LUZP2: variants seen among roughly 807,000 people sequenced by gnomAD.
LUZP2 encodes the protein leucine zipper protein 2.
Under a neutral mutation model 51.6 loss-of-function variants are expected in LUZP2, and 52 were observed. The observed-to-expected ratio is 1.01, with a 90% CI of 0.81 to 1.27. The LOEUF is 1.27. LUZP2 is among the 50% of genes most tolerant of loss of function. LUZP2 has a pLI of 0.00. For synonymous variants in LUZP2, 154 were observed against 137.3 expected, an observed-to-expected ratio of 1.12 and a Z score of -0.85; for missense variants, 436 against 395.4, an observed-to-expected ratio of 1.10 and a Z score of -0.87.
At chr11:24,587,654 A>G (rs1853117899) in intron 1 of LUZP2, among the ~76,000 whole-genome samples, 2 of 152,112 alleles carry the variant, frequency 1.3e-5, no homozygotes, top group South Asian at 4.1e-4. Flanking sequence ...ACATCTTGTG[A>G]TGACTACATA....
At chr11:24,801,191 G>T (rs1031891216) in intron 5 of LUZP2, among the ~76,000 whole-genome samples, 7 of 152,180 alleles carry the variant, frequency 4.6e-5, no homozygotes, top group African/African-American at 1.7e-4. Context: ...GCTGATAAAA[G>T]AATTTCTACA....
chr11:24,571,207 C>T (rs1852430693), intron 1 of LUZP2, among the ~76,000 whole-genome samples: 1 of 131,534 alleles, frequency 7.6e-6, no homozygotes, highest in Non-Finnish European at 1.7e-5. Context: ...GATGAAAGCA[C>T]TTGATCAAAG....
At chr11:24,645,086 ATTAG>A (rs1324988116) in intron 1 of LUZP2, among the ~76,000 whole-genome samples, 1 of 152,164 alleles carries the variant, frequency 6.6e-6, no homozygotes, top group African/African-American at 2.4e-5. Context: ...TACGTAAAAT[ATTAG>A]TTATTGTGCA....
chr11:24,602,740 G>C (rs1853781299), intron 1 of LUZP2, among the ~76,000 whole-genome samples: 2 of 151,460 alleles, frequency 1.3e-5, no homozygotes. Context: ...AAAGCACCTT[G>C]GATGTATGGG....
At chr11:24,987,759 T>C (rs1856229729) in intron 9 of LUZP2, among the ~76,000 whole-genome samples, 1 of 151,916 alleles carries the variant, frequency 6.6e-6, no homozygotes, top group African/African-American at 2.4e-5. Context: ...TAGATCAAGG[T>C]ACATTTTTCT....
intron 1 of LUZP2, among the ~76,000 whole-genome samples, chr11:24,680,573 T>C (rs1262874018): frequency 6.6e-6 from 1 of 152,206 alleles, no homozygotes; most frequent in Non-Finnish European, 1.5e-5. Flanking sequence ...TCAGTTCCTC[T>C]ATTTTCTGTC....
At chr11:24,546,958 TG>T (rs1332073947) in intron 1 of LUZP2, among the ~76,000 whole-genome samples, 2 of 36,448 alleles carry the variant, frequency 5.5e-5, no homozygotes, top group Non-Finnish European at 1.0e-4. Flanking sequence ...TTGTTGTTGT[TG>T]TTGTTGGTGG....
intron 1 of LUZP2, among the ~76,000 whole-genome samples, chr11:24,709,211 A>C (rs749799584): frequency 6.6e-6 from 1 of 152,178 alleles, no homozygotes; most frequent in Non-Finnish European, 1.5e-5. Context: ...TATATGCGGC[A>C]TTTTCAAATA....
intron 1 of LUZP2, among the ~76,000 whole-genome samples, chr11:24,725,669 A>G (rs1400651350): frequency 6.6e-6 from 1 of 152,188 alleles, no homozygotes; most frequent in Non-Finnish European, 1.5e-5. Context: ...ACTAAAACCC[A>G]GAGTGGACAA....
Position 24,732,128 on chromosome 11 carries a change from A to T in LUZP2, c.191A>T (p.Asn64Ile). ...GIKVNLQSLK[N>I]DEQSAKTDVQ... ...CACTTTTCTTATCAGTCCTTAAAAA[A>T]CGATGAGCAGTCTGCCAAAACTGAT... The change falls in exon 3 of 12, where the codon AAC (asparagine) becomes ATC (isoleucine). Residue 64 changes from asparagine to isoleucine, a missense_variant. Asn to Ile is a moderately radical substitution (Grantham distance 149, BLOSUM62 -3). Transcript: ENST00000336930. 2 of 1,608,492 alleles carry T rather than the reference A, an allele frequency of 1.2e-6. No individual in the cohort carries two copies. The highest frequency in any genetic ancestry group is 1.7e-6 in the Non-Finnish European group (2 of 1,176,564).
chr11:24,785,732 A>C (rs1337525707), intron 5 of LUZP2: 1 of 288,450 alleles, frequency 3.5e-6, no homozygotes, highest in Non-Finnish European at 5.2e-6. Context: ...TATGGCTAGG[A>C]TGCTACATAT....
At chr11:24,736,702 A>G (rs1858954506) in intron 3 of LUZP2, among the ~76,000 whole-genome samples, 1 of 152,094 alleles carries the variant, frequency 6.6e-6, no homozygotes, top group African/African-American at 2.4e-5. Context: ...ATATTATATT[A>G]TACTACAAAC....
intron 1 of LUZP2, among the ~76,000 whole-genome samples, chr11:24,527,550 A>ATCTCTCTC (rs144689201): frequency 4.0e-4 from 56 of 140,186 alleles, no homozygotes; most frequent in African/African-American, 1.4e-3. Flanking sequence ...TTAAATAAGA[A>ATCTCTCTC]TCTCTCTCTC....
chr11:24,970,531 A>G (rs1412984337), intron 7 of LUZP2, among the ~76,000 whole-genome samples: 3 of 152,218 alleles, frequency 2.0e-5, no homozygotes, highest in African/African-American at 4.8e-5. Context: ...TTTCAGAATC[A>G]TTGAATTACA....
chr11:24,858,011 AT>A (rs1851623153), intron 5 of LUZP2, among the ~76,000 whole-genome samples: 1 of 151,536 alleles, frequency 6.6e-6, no homozygotes, highest in Non-Finnish European at 1.5e-5. Flanking sequence ...TCTTTTTTTT[AT>A]TTTTTAATCT....
intron 1 of LUZP2, among the ~76,000 whole-genome samples, chr11:24,718,017 T>C (rs554858689): frequency 3.3e-5 from 5 of 152,230 alleles, no homozygotes; most frequent in African/African-American, 9.6e-5. Context: ...AGTAAGAAAA[T>C]AATTTATTCA....
chr11:24,561,670 C>T lies in LUZP2; in HGVS notation c.62+64365C>T, dbSNP rs187389291. ...AGGAACATCACACACTGGGGCCTAT[C>T]GGAGGGTGGCGGGATAGGAGAGGGA... On this transcript the variant is annotated intron_variant, in intron 1 of 11. Coordinates refer to ENST00000336930, the MANE Select transcript of LUZP2 (RefSeq NM_001009909.4). Among the ~76,000 whole-genome samples, 45 of 151,990 alleles carry T rather than the reference C, an allele frequency of 3.0e-4. No individual in the cohort carries two copies. The East Asian group carries it at 7.4e-3, about 25-fold the overall frequency.
chr11:24,564,935 T>C (rs764740617), intron 1 of LUZP2, among the ~76,000 whole-genome samples: 25 of 152,144 alleles, frequency 1.6e-4, no homozygotes, highest in Non-Finnish European at 3.5e-4. Flanking sequence ...AATGGATCCC[T>C]TAAAGAACCC....
intron 9 of LUZP2, among the ~76,000 whole-genome samples, chr11:25,037,159 A>G (rs567077188): frequency 2.0e-5 from 3 of 152,282 alleles, no homozygotes; most frequent in South Asian, 4.1e-4. Flanking sequence ...GCATATATTT[A>G]GGATAGTTAA....
Sources: allele counts gnomAD v4.1 joint callset (sites outside exome capture counted in the v4.1 genomes callset), GRCh38; gene constraint gnomAD v4.1.1; transcripts MANE v1.5; gene names NCBI Gene and HGNC (gene_info 2026-07-23, HGNC 2026-07-21).